Variants in ABLIM1 observed in about 807,000 individuals in gnomAD.
ABLIM1 encodes actin binding LIM protein 1.
In ABLIM1, 40 loss-of-function variants were observed where a neutral mutation model predicts 107.0. The ratio of observed to expected loss-of-function variants is 0.37; its 90% CI spans 0.29 to 0.49. The LOEUF (loss-of-function observed/expected upper bound fraction) is 0.49. ABLIM1 is among the 20% of genes least tolerant of loss of function. The probability of loss-of-function intolerance (pLI) is 0.97; values close to 1 mark genes in which losing one functional copy is unlikely to be tolerated. For synonymous variants in ABLIM1, 357 were observed against 357.3 expected (o/e 1.00, Z 0.01); for missense variants, 857 against 1,008.5 (o/e 0.85, Z 2.04).
In ABLIM1 at chr10:114,465,799, A is replaced by G. The variant is rs779735929; in HGVS notation, c.1340T>C (p.Ile447Thr). 61 of 1,614,026 alleles carry G rather than the reference A, an allele frequency of 3.8e-5. No individual in the cohort carries two copies. Among genetic ancestry groups the G allele is most frequent in the Non-Finnish European group, 5.0e-5 (59 of 1,180,028 alleles). ...EGYQDVRDRMIHRSTSQGSIN... is the reference protein window; with the variant it reads ...EGYQDVRDRMTHRSTSQGSIN... Reference sequence around the variant, plus strand: ...GGAGCCCTGGCTCGTGGACCGATGGATCATCCGATCCCGAACATCCTGGTA... The same window carrying G: ...GGAGCCCTGGCTCGTGGACCGATGGGTCATCCGATCCCGAACATCCTGGTA... Residue 447 changes from isoleucine to threonine, a missense_variant, in exon 12 of 23, where the codon ATC becomes ACC. Ile to Thr is a moderately conservative substitution (Grantham distance 89). Transcript: ENST00000533213.
chr10:114,662,815 T>A (rs1401086429), upstream of ABLIM1, among the ~76,000 whole-genome samples: 1 of 152,228 alleles, frequency 6.6e-6, no homozygotes, highest in Admixed American at 6.5e-5. Flanking sequence ...GTAATTAGTT[T>A]AACAGGCACC....
upstream of ABLIM1, among the ~76,000 whole-genome samples, chr10:114,660,345 G>A (rs1449069820): frequency 2.6e-5 from 4 of 152,106 alleles, no homozygotes; most frequent in Non-Finnish European, 5.9e-5. Context: ...TAGGTGCAGT[G>A]TACACTGCTA....
intron 5 of ABLIM1, among the ~76,000 whole-genome samples, chr10:114,546,635 G>A (rs2067382711): frequency 6.6e-6 from 1 of 152,082 alleles, no homozygotes; most frequent in Non-Finnish European, 1.5e-5. Context: ...CTTACCCTGG[G>A]CCTGTAGAAT....
chr10:114,785,291 G>A, the ABLIM1 span, among the ~76,000 whole-genome samples: 1 of 152,204 alleles, frequency 6.6e-6, no homozygotes, highest in Non-Finnish European at 1.5e-5. Context: ...TGTGTTTTGT[G>A]TAGTACTGAG....
chr10:114,661,281 G>A (rs906107262), upstream of ABLIM1, among the ~76,000 whole-genome samples: 2 of 152,152 alleles, frequency 1.3e-5, no homozygotes, highest in African/African-American at 4.8e-5. Context: ...ATGTGAGGGG[G>A]CTGACTCCAT....
intron 3 of ABLIM1, among the ~76,000 whole-genome samples, chr10:114,572,408 G>A (rs928338244): frequency 6.6e-6 from 1 of 152,184 alleles, no homozygotes; most frequent in African/African-American, 2.4e-5. Flanking sequence ...GCAATTAACT[G>A]TAATAAACAA....
chr10:114,568,805 A>C (rs1157988512), intron 4 of ABLIM1, among the ~76,000 whole-genome samples: 1 of 152,258 alleles, frequency 6.6e-6, no homozygotes, highest in African/African-American at 2.4e-5. Context: ...ATGATGGTTA[A>C]ATATAATATT....
chr10:114,760,203 G>A (rs183236305), intron 1 of ABLIM1, among the ~76,000 whole-genome samples: 337 of 152,086 alleles, frequency 2.2e-3, no homozygotes, highest in African/African-American at 7.3e-3. Context: ...AAGGGTGACA[G>A]ATTAAGAGTT....
At chr10:114,791,687 A>C in the ABLIM1 span, among the ~76,000 whole-genome samples, 1 of 152,064 alleles carries the variant, frequency 6.6e-6, no homozygotes, top group African/African-American at 2.4e-5. Context: ...CAAAACTTCA[A>C]ATACAAGGAG....
the ABLIM1 span, among the ~76,000 whole-genome samples, chr10:114,776,828 G>A: frequency 6.6e-6 from 1 of 152,094 alleles, no homozygotes; most frequent in Non-Finnish European, 1.5e-5. Flanking sequence ...ATGTTGCCTA[G>A]ACTGATTTTG....
rs755972850 is a variant in ABLIM1 at position 114,451,643 on chromosome 10, T to G, written c.1575A>C (p.Pro525=). Reference sequence around the variant, plus strand: ...TTTTACCATGCTGTTTGTAGATGGGTGGCTTTCGGTAAATGTTGATTCCTT... The same window carrying G: ...TTTTACCATGCTGTTTGTAGATGGGGGGCTTTCGGTAAATGTTGATTCCTT... ...PDQGINIYRK[P]PIYKQHAALA... Residue 525 remains proline (P), a synonymous_variant, in exon 14 of 23, where the codon CCA becomes CCC. Transcript: ENST00000533213. 6.2e-7 allele frequency: 1 copy of G among 1,613,504 alleles called. No individual in the cohort carries two copies. Among genetic ancestry groups the G allele is most frequent in the Admixed American group, 1.7e-5 (1 of 59,934 alleles).
At position 114,437,111 on chromosome 10, in the gene ABLIM1, T is replaced by G. The variant is rs7923922; in HGVS notation, c.2223+733A>C. ...CTTGTCCAGTATAAATCAGTATAAATGTCTCTCCTGAGAGCCTTTGCCGCT... is the reference window on the plus strand; with the variant it reads ...CTTGTCCAGTATAAATCAGTATAAAGGTCTCTCCTGAGAGCCTTTGCCGCT... On this transcript the variant is annotated intron_variant, in intron 22 of 22. Coordinates refer to ENST00000533213, the MANE Select transcript of ABLIM1 (RefSeq NM_002313.7). 9.3e-3 allele frequency among the ~76,000 whole-genome samples: 1,411 copies of G among 152,230 alleles called. 24 individuals carry two copies. The highest frequency in any genetic ancestry group is 0.033 in the African/African-American group (1,354 of 41,516).
chr10:114,643,991 C>T (rs1182356926), intron 1 of ABLIM1, among the ~76,000 whole-genome samples: 2 of 151,278 alleles, frequency 1.3e-5, no homozygotes, highest in South Asian at 2.1e-4. Flanking sequence ...TAAAAAATAC[C>T]ATGGTTCTGG....
intron 2 of ABLIM1, among the ~76,000 whole-genome samples, chr10:114,587,387 A>G (rs2074308665): frequency 6.6e-6 from 1 of 152,224 alleles, no homozygotes; most frequent in Non-Finnish European, 1.5e-5. Context: ...TCTATTCTAT[A>G]TAAGGATTTC....
chr10:114,722,023 G>C (rs2081859648), intron 1 of ABLIM1, among the ~76,000 whole-genome samples: 1 of 152,104 alleles, frequency 6.6e-6, no homozygotes, highest in African/African-American at 2.4e-5. Context: ...ATGGAAACTG[G>C]GTAAATGAAG....
chr10:114,465,483 A>G (rs2064958483), intron 12 of ABLIM1: 9 of 475,856 alleles, frequency 1.9e-5, no homozygotes, highest in Non-Finnish European at 1.9e-5. Context: ...AAATATAATT[A>G]TTTAATAAAT....
At chr10:114,699,512 A>G (rs2081266000) in intron 1 of ABLIM1, among the ~76,000 whole-genome samples, 1 of 152,170 alleles carries the variant, frequency 6.6e-6, no homozygotes, top group East Asian at 1.9e-4. Context: ...GTCAGAAGAC[A>G]GAAAGTGTGG....
chr10:114,632,138 C>G, intron 1 of ABLIM1: 1 of 985,400 alleles, frequency 1.0e-6, no homozygotes, highest in Non-Finnish European at 1.2e-6. Flanking sequence ...TCTTCTCCGC[C>G]CGCCCGCCGA....
intron 6 of ABLIM1, among the ~76,000 whole-genome samples, chr10:114,530,101 G>A (rs1219589852): frequency 1.3e-5 from 2 of 152,186 alleles, no homozygotes; most frequent in Non-Finnish European, 2.9e-5. Flanking sequence ...ATGTTCTAAA[G>A]TAGGATTGTG....
Sources: allele counts gnomAD v4.1 joint callset (sites outside exome capture counted in the v4.1 genomes callset), GRCh38; gene constraint gnomAD v4.1.1; transcripts MANE v1.5; gene names NCBI Gene and HGNC (gene_info 2026-07-23, HGNC 2026-07-21).